SPATA13: variants seen among roughly 807,000 people sequenced by gnomAD.
SPATA13 encodes the protein spermatogenesis associated 13.
In SPATA13, 50 loss-of-function variants were observed where a neutral mutation model predicts 104.0. That is an observed-to-expected ratio of 0.48 (90% confidence interval 0.38 to 0.61). The LOEUF (loss-of-function observed/expected upper bound fraction) is 0.61. SPATA13 is among the 20% of genes least tolerant of loss of function. The pLI is 0.00. For missense variants in SPATA13, 1,524 were observed against 1,690.6 expected (o/e 0.90, Z 1.73); for synonymous variants, 606 against 667.5 (o/e 0.91, Z 1.42).
chr13:24,306,953 T>C lies in SPATA13; in HGVS notation c.*4180T>C, dbSNP rs1379415492. ...TGTACAAGATTGATGTAACTTGATA[T>C]GTATTTTTGTTGAAGTTTTTTGTAA... On this transcript the variant is annotated 3_prime_UTR_variant, in exon 13 of 13. Transcript: ENST00000382108. The C allele has an allele frequency of 6.6e-6, 1 of 152,222 alleles. No homozygotes were observed. The highest frequency in any genetic ancestry group is 1.5e-5 in the Non-Finnish European group (1 of 68,032). 9.4% of individuals were successfully genotyped at this position (152,222 alleles called of 1,614,324 possible).
intron 1 of SPATA13, among the ~76,000 whole-genome samples, chr13:24,201,768 G>A (rs1357955806): frequency 6.6e-6 from 1 of 152,112 alleles, no homozygotes; most frequent in East Asian, 1.9e-4. Flanking sequence ...ACATTCTATG[G>A]TTTGTACAAA....
intron 1 of SPATA13, among the ~76,000 whole-genome samples, chr13:24,187,902 C>T (rs577138134): frequency 1.3e-5 from 2 of 152,160 alleles, no homozygotes; most frequent in Non-Finnish European, 2.9e-5. Flanking sequence ...AGTCGCCCAT[C>T]TCTATTTTAA....
At chr13:24,178,271 C>A (rs7325215) in intron 1 of SPATA13, among the ~76,000 whole-genome samples, 2 of 152,186 alleles carry the variant, frequency 1.3e-5, no homozygotes, top group African/African-American at 4.8e-5. Flanking sequence ...TGCTTGCCAC[C>A]TCTGCCACCT....
At position 24,249,673 on chromosome 13, in the gene SPATA13, G is replaced by A. The variant is rs755844475; in HGVS notation, c.1850G>A (p.Arg617His). 21 of 1,614,122 alleles carry A rather than the reference G, an allele frequency of 1.3e-5. No homozygotes were observed. The highest frequency in any genetic ancestry group is 1.7e-5 in the Admixed American group (1 of 60,016). ...GCTGCAGACCCCCAGAAGGAAGACC[G>A]TGTGGACGAGGACCCCCAGGCAAGC... Reference protein sequence around the residue: ...SVAADPQKEDRVDEDPQASMT... With the variant: ...SVAADPQKEDHVDEDPQASMT... The change falls in exon 3 of 13, where the codon CGT (arginine) becomes CAT (histidine). Residue 617 changes from arginine (R) to histidine (H), a missense_variant. Arg to His is a conservative substitution (Grantham distance 29). Around this residue, in one of 2 missense-constraint regions of SPATA13, gnomAD observed 1,089 missense variants for 1,135.9 expected, o/e 0.96. Transcript: ENST00000382108.
chr13:24,045,897 A>T lies in SPATA13; in HGVS notation c.-112+28196A>T, dbSNP rs75425158. Reference sequence around the variant, plus strand: ...TTCCATTCTGAGCCTCATTTCCCTAATCTGGAGAATGGGATCATAGTACCC... The same window carrying T: ...TTCCATTCTGAGCCTCATTTCCCTATTCTGGAGAATGGGATCATAGTACCC... On this transcript the variant is annotated intron_variant, in intron 3 of 14. Coordinates refer to the SPATA13 transcript ENST00000424834. Among the ~76,000 whole-genome samples, 1,141 of 152,256 alleles carry T rather than the reference A, an allele frequency of 7.5e-3. 13 individuals are homozygous for T. The highest frequency in any genetic ancestry group is 0.026 in the African/African-American group (1,063 of 41,526).
chr13:24,129,925 C>G (rs555165443), intron 3 of SPATA13, among the ~76,000 whole-genome samples: 220 of 152,240 alleles, frequency 1.4e-3, no homozygotes, highest in African/African-American at 5.1e-3. Context: ...GGGGTCCCAG[C>G]CTTTGGTTGC....
intron 3 of SPATA13, among the ~76,000 whole-genome samples, chr13:24,078,449 G>A (rs1402445586): frequency 6.6e-6 from 1 of 152,206 alleles, no homozygotes; most frequent in Non-Finnish European, 1.5e-5. Flanking sequence ...ATTTACAAAT[G>A]AGAAAACAGG....
intron 10 of SPATA13, among the ~76,000 whole-genome samples, chr13:24,297,142 G>A (rs1057245457): frequency 1.5e-4 from 23 of 152,120 alleles, no homozygotes; most frequent in African/African-American, 5.1e-4. Context: ...GGGCTCAGGG[G>A]ATCCTCCCGC....
chr13:24,223,872 A>G lies in SPATA13; in HGVS notation c.943A>G (p.Lys315Glu), dbSNP rs1179338564. 29 of 1,551,718 alleles carry G rather than the reference A, an allele frequency of 1.9e-5. No homozygotes were observed. The highest frequency in any genetic ancestry group is 2.5e-5 in the Non-Finnish European group (29 of 1,147,002). ...ACGCTGGAGGAGCCCGATAAGGGCC[A>G]AGGACTTTGACAGAGTCTTCAAACT... ...TKRWRSPIRAKDFDRVFKLVS... is the reference protein window; with the variant it reads ...TKRWRSPIRAEDFDRVFKLVS... Residue 315 changes from lysine to glutamate, a missense_variant, in exon 2 of 13, where the codon AAG becomes GAG. This residue lies in a region of SPATA13 where 1,089 missense variants were observed against 1,135.9 expected (regional missense o/e 0.96). Coordinates refer to ENST00000382108, the MANE Select transcript of SPATA13 (RefSeq NM_001166271.3).
chr13:24,052,491 G>GT (rs67518708), intron 3 of SPATA13, among the ~76,000 whole-genome samples: 60,964 of 149,322 alleles, frequency 0.41, 13,972 homozygotes, highest in Non-Finnish European at 0.51. Flanking sequence ...AGAAATATAT[G>GT]TTTTTTTTTT....
intron 3 of SPATA13, among the ~76,000 whole-genome samples, chr13:24,025,668 T>C (rs1877178114): frequency 6.6e-6 from 1 of 152,236 alleles, no homozygotes; most frequent in Non-Finnish European, 1.5e-5. Flanking sequence ...TTGGTGAATA[T>C]AAAATGGATT....
intron 3 of SPATA13, among the ~76,000 whole-genome samples, chr13:24,065,706 A>G (rs1229454266): frequency 6.6e-6 from 1 of 152,234 alleles, no homozygotes; most frequent in Non-Finnish European, 1.5e-5. Flanking sequence ...ATGGTATTGT[A>G]TTTGTTTCAT....
At position 24,257,518 on chromosome 13, in the gene SPATA13, T is replaced by C. The variant is rs115021316; in HGVS notation, c.2164+5656T>C. On this transcript the variant is annotated intron_variant, in intron 4 of 12. Coordinates refer to ENST00000382108, the MANE Select transcript of SPATA13 (RefSeq NM_001166271.3). ...TATAAAAACTAGAGAAAATGCCCTT[T>C]TTGAGGGGACACAAACTTGGCAAGT... 2.0e-3 allele frequency among the ~76,000 whole-genome samples: 310 copies of C among 152,344 alleles called. 1 individual carries two copies. Among genetic ancestry groups the C allele is most frequent in the African/African-American group, 6.2e-3 (258 of 41,578 alleles).
intron 3 of SPATA13, among the ~76,000 whole-genome samples, chr13:24,125,808 T>C (rs145779940): frequency 0.01 from 1,586 of 152,268 alleles, 13 homozygotes; most frequent in Middle Eastern, 0.061. Flanking sequence ...ACAGGAAGCC[T>C]AGTGCTGTTG....
At chr13:24,262,383 TG>T (rs1466852201) in intron 4 of SPATA13, among the ~76,000 whole-genome samples, 1 of 152,002 alleles carries the variant, frequency 6.6e-6, no homozygotes, top group Non-Finnish European at 1.5e-5. Context: ...ATTTATGCAC[TG>T]ATAGTTTGAT....
At chr13:24,141,154 G>A (rs1328874720) in intron 3 of SPATA13, among the ~76,000 whole-genome samples, 1 of 145,724 alleles carries the variant, frequency 6.9e-6, no homozygotes, top group African/African-American at 2.5e-5. Context: ...AGCTTCGGTG[G>A]CAGAGTGAGA....
At chr13:24,092,750 A>G (rs1183647504) in intron 3 of SPATA13, among the ~76,000 whole-genome samples, 1 of 152,198 alleles carries the variant, frequency 6.6e-6, no homozygotes, top group Non-Finnish European at 1.5e-5. Flanking sequence ...TACATGTTTT[A>G]AAGTTGTAGC....
intron 2 of SPATA13, among the ~76,000 whole-genome samples, chr13:23,984,944 C>T (rs1305460617): frequency 3.3e-5 from 5 of 152,172 alleles, no homozygotes; most frequent in Non-Finnish European, 4.4e-5. Flanking sequence ...TGTAACCGGC[C>T]GGCGTGCACA....
At chr13:24,300,566 C>A in intron 12 of SPATA13, 91 bp downstream of exon 12, 1 of 1,186,074 alleles carries the variant, frequency 8.4e-7, no homozygotes, top group Non-Finnish European at 1.2e-6. Flanking sequence ...CTGTGACCAG[C>A]TTGGAGCAAG....
Sources: gnomAD v4.1 joint callset for allele counts (sites outside exome capture counted in the v4.1 genomes callset) on GRCh38, gnomAD v4.1.1 for gene constraint, gnomAD v4.1.1 regional missense constraint, MANE v1.5 for transcripts, NCBI Gene and HGNC (gene_info 2026-07-23, HGNC 2026-07-21) for gene names.